The following VAMP7 variants were observed in gnomAD, a reference collection of about 807,000 sequenced individuals.
VAMP7 encodes the protein vesicle associated membrane protein 7.
In VAMP7, 14 loss-of-function variants were observed where a neutral mutation model predicts 29.6. The observed-to-expected ratio is 0.47, with a 90% CI of 0.31 to 0.74. The LOEUF (loss-of-function observed/expected upper bound fraction) is 0.74. VAMP7 is among the 30% of genes least tolerant of loss of function. The pLI is 0.05. For synonymous variants in VAMP7, 95 were observed against 88.1 expected, an observed-to-expected ratio of 1.08 and a Z score of -0.44; for missense variants, 223 against 262.4, an observed-to-expected ratio of 0.85 and a Z score of 1.04.
chrX:155,906,983 C>T (rs1346444177), intron 5 of VAMP7, among the ~76,000 whole-genome samples: 2 of 151,948 alleles, frequency 1.3e-5, no homozygotes, highest in Non-Finnish European at 2.9e-5. Flanking sequence ...GAGGAAGTTT[C>T]TTTTTCTTAT....
intron 1 of VAMP7, among the ~76,000 whole-genome samples, chrX:155,886,668 C>T (rs1210226145): frequency 2.6e-5 from 4 of 152,136 alleles, no homozygotes; most frequent in Non-Finnish European, 4.4e-5. Context: ...ATTGTATTGC[C>T]TCCCTTTTGT....
At chrX:155,939,921 AC>A in intron 7 of VAMP7, 128 bp downstream of exon 7, 1 of 782,702 alleles carries the variant, frequency 1.3e-6, no homozygotes, top group Non-Finnish European at 2.2e-6. Flanking sequence ...GAAACACATG[AC>A]CAGGCAGTGG....
chrX:155,927,765 GTT>G (rs35465189), intron 6 of VAMP7, among the ~76,000 whole-genome samples: 1 of 141,202 alleles, frequency 7.1e-6, no homozygotes. Context: ...CACAATGGCA[GTT>G]TTTTTTTTTT....
At chrX:155,930,083 G>A (rs1317095263) in intron 6 of VAMP7, among the ~76,000 whole-genome samples, 4 of 152,160 alleles carry the variant, frequency 2.6e-5, no homozygotes, top group East Asian at 1.9e-4. Flanking sequence ...GTCAGGACAC[G>A]TTGCTCTCTT....
intron 6 of VAMP7, among the ~76,000 whole-genome samples, chrX:155,931,349 T>C (rs1256227012): frequency 6.6e-6 from 1 of 152,198 alleles, no homozygotes; most frequent in Non-Finnish European, 1.5e-5. Flanking sequence ...TGTTCCTGTT[T>C]CTCCACATCC....
At chrX:155,920,689 T>A (rs1420536525) in intron 6 of VAMP7, among the ~76,000 whole-genome samples, 3 of 152,192 alleles carry the variant, frequency 2.0e-5, no homozygotes, top group Non-Finnish European at 2.9e-5. Context: ...ACTTAACCTC[T>A]TTGTGCCTCA....
At chrX:155,939,290 C>T (rs1416578593) in intron 6 of VAMP7, among the ~76,000 whole-genome samples, 1 of 152,112 alleles carries the variant, frequency 6.6e-6, no homozygotes, top group Non-Finnish European at 1.5e-5. Context: ...TATCTTCCTA[C>T]AGAAATCAAA....
intron 5 of VAMP7, among the ~76,000 whole-genome samples, chrX:155,907,650 T>G (rs1462945318): frequency 6.6e-6 from 1 of 151,986 alleles, no homozygotes; most frequent in Admixed American, 6.6e-5. Context: ...CAGAACAAAA[T>G]GAAAAGTCTC....
At chrX:155,925,139 G>A (rs2066450226) in intron 6 of VAMP7, among the ~76,000 whole-genome samples, 1 of 152,060 alleles carries the variant, frequency 6.6e-6, no homozygotes, top group Admixed American at 6.6e-5. Context: ...CTGAAGTCTT[G>A]AACCCCTCAA....
chrX:155,903,011 G>A (rs1413412611), intron 5 of VAMP7, among the ~76,000 whole-genome samples: 2 of 151,556 alleles, frequency 1.3e-5, no homozygotes, highest in East Asian at 1.9e-4. Flanking sequence ...GACTCTTTTC[G>A]GTTGGTAAGC....
intron 6 of VAMP7, among the ~76,000 whole-genome samples, chrX:155,936,330 G>GCT (rs1283399093): frequency 6.6e-6 from 1 of 152,186 alleles, no homozygotes; most frequent in Non-Finnish European, 1.5e-5. Context: ...GCCTCCTTGA[G>GCT]CTGTGGTGGG....
intron 2 of VAMP7, among the ~76,000 whole-genome samples, chrX:155,891,231 C>G (rs1370671016): frequency 6.6e-6 from 1 of 152,226 alleles, no homozygotes; most frequent in Non-Finnish European, 1.5e-5. Flanking sequence ...AACTCTGTTA[C>G]TCTGGAGGAA....
At chrX:155,938,790 T>G (rs913917411) in intron 6 of VAMP7, among the ~76,000 whole-genome samples, 3 of 152,172 alleles carry the variant, frequency 2.0e-5, no homozygotes, top group Non-Finnish European at 2.9e-5. Context: ...CACTCCAGCT[T>G]GGGCGACAGA....
At chrX:155,904,665 G>A (rs976601594) in intron 5 of VAMP7, among the ~76,000 whole-genome samples, 5 of 151,756 alleles carry the variant, frequency 3.3e-5, no homozygotes, top group East Asian at 1.9e-4. Flanking sequence ...TGGACATTTC[G>A]TATAAATGGA....
intron 6 of VAMP7, among the ~76,000 whole-genome samples, chrX:155,932,492 T>A (rs1268743525): frequency 4.6e-5 from 7 of 152,196 alleles, no homozygotes; most frequent in African/African-American, 1.7e-4. Context: ...AGTTCACTCA[T>A]GATTTGGCTC....
intron 5 of VAMP7, among the ~76,000 whole-genome samples, chrX:155,915,195 G>A (rs2066293416): frequency 6.6e-6 from 1 of 152,038 alleles, no homozygotes; most frequent in African/African-American, 2.4e-5. Flanking sequence ...ATTTCTGTGG[G>A]ATCAGTGGTG....
intron 6 of VAMP7, among the ~76,000 whole-genome samples, chrX:155,928,769 T>C (rs746403868): frequency 6.6e-6 from 1 of 152,312 alleles, no homozygotes; most frequent in South Asian, 2.1e-4. Context: ...CAATTGTTCT[T>C]TATAGGTGAA....
chrX:155,937,567 G>A (rs1203002234), intron 6 of VAMP7, among the ~76,000 whole-genome samples: 2 of 151,972 alleles, frequency 1.3e-5, no homozygotes, highest in African/African-American at 4.8e-5. Context: ...ATACTTCAAG[G>A]CAGAAAAAAA....
At chrX:155,886,105 G>A (rs747191023) in intron 1 of VAMP7, among the ~76,000 whole-genome samples, 3 of 152,036 alleles carry the variant, frequency 2.0e-5, no homozygotes, top group African/African-American at 7.2e-5. Flanking sequence ...TCTCTCTCTG[G>A]CTTATCTTTT....
Sources: gnomAD v4.1 joint callset for allele counts (sites outside exome capture counted in the v4.1 genomes callset) on GRCh38, gnomAD v4.1.1 for gene constraint, MANE v1.5 for transcripts, NCBI Gene and HGNC (gene_info 2026-07-23, HGNC 2026-07-21) for gene names.